KCNA6: variants seen among roughly 807,000 people sequenced by gnomAD.
The protein encoded by KCNA6 is human brain potassium channel-2.
Under a neutral mutation model 29.5 loss-of-function variants are expected in KCNA6, and 17 were observed. The ratio of observed to expected loss-of-function variants is 0.58; its 90% CI spans 0.39 to 0.86. The LOEUF (loss-of-function observed/expected upper bound fraction) is 0.86. KCNA6 is among the 40% of genes least tolerant of loss of function. The pLI is 0.00. For missense variants in KCNA6, 450 were observed against 703.4 expected (o/e 0.64, Z 4.07); for synonymous variants, 296 against 304.7 (o/e 0.97, Z 0.30).
At chr12:4,849,521 C>CTTTTTTT in the KCNA6 span, among the ~76,000 whole-genome samples, 1 of 102,568 alleles carries the variant, frequency 9.7e-6, no homozygotes, top group African/African-American at 4.2e-5. Flanking sequence ...TTTTTTACCA[C>CTTTTTTT]TTTGCAAGAG....
downstream of KCNA6, chr12:4,814,153 T>C (rs930333448): frequency 6.0e-6 from 1 of 167,146 alleles, no homozygotes; most frequent in Non-Finnish European, 1.5e-5. The surrounding 1 kb of genome is among the most constrained non-coding windows in gnomAD (Gnocchi z 4.6). Flanking sequence ...CTTTTCTTCC[T>C]AGTTTCCCCA....
the KCNA6 span, among the ~76,000 whole-genome samples, chr12:4,830,964 C>T: frequency 5.3e-5 from 8 of 152,228 alleles, no homozygotes; most frequent in Non-Finnish European, 8.8e-5. Context: ...TCTCTCAGGC[C>T]CTGCCCACCA....
chr12:4,832,992 C>A, the KCNA6 span, among the ~76,000 whole-genome samples: 1 of 152,114 alleles, frequency 6.6e-6, no homozygotes, highest in South Asian at 2.1e-4. Flanking sequence ...TTCTTGAAGG[C>A]AGGGCCCTGT....
the KCNA6 span, among the ~76,000 whole-genome samples, chr12:4,824,286 C>T: frequency 6.6e-6 from 1 of 152,326 alleles, no homozygotes; most frequent in South Asian, 2.1e-4. Flanking sequence ...ACGTTAGATA[C>T]AGTTAAAACC....
In KCNA6 at chr12:4,810,158, T is replaced by G. The variant is rs1268930645; in HGVS notation, c.117T>G (p.Ser39Arg). 4 of 1,609,582 alleles carry G rather than the reference T, an allele frequency of 2.5e-6. No homozygotes were observed. The highest frequency in any genetic ancestry group is 8.5e-7 in the Non-Finnish European group (1 of 1,178,402). ...CCGGCGGGGGCGGGGGCTGCTGTAG[T>G]AGCGAGCGGCTGGTGATCAATATCT... Residue 39 changes from serine to arginine, a missense_variant, in exon 1 of 1, where the codon AGT becomes AGG. By Grantham distance (110) the Ser-to-Arg change is moderately radical. This residue lies in a region of KCNA6 where 72 missense variants were observed against 64.2 expected (regional missense o/e 1.12). Coordinates refer to ENST00000280684, the Ensembl canonical transcript of KCNA6. The surrounding 1 kb of genome is among the most constrained non-coding windows in gnomAD (Gnocchi z 7.5).
the KCNA6 span, among the ~76,000 whole-genome samples, chr12:4,820,546 A>AACACACACACACACAC: frequency 6.0e-3 from 810 of 134,736 alleles, 8 homozygotes; most frequent in African/African-American, 8.1e-3. Context: ...GGATTACCTA[A>AACACACACACACACAC]ACACACACAC....
At chr12:4,820,356 T>C in the KCNA6 span, among the ~76,000 whole-genome samples, 1 of 150,370 alleles carries the variant, frequency 6.7e-6, no homozygotes, top group East Asian at 1.9e-4. Flanking sequence ...CCCTGGAGCA[T>C]TGCAGAGGGT....
rs773779871 is a variant in KCNA6 at position 4,810,005 on chromosome 12, G to A, written c.-37G>A. 14 of 1,502,454 alleles carry A rather than the reference G, an allele frequency of 9.3e-6. No homozygotes were observed. In the East Asian group the frequency reaches 3.0e-4, roughly 32 times the overall value. 93.1% of individuals were successfully genotyped at this position (1,502,454 alleles called of 1,614,324 possible). On this transcript the variant is annotated 5_prime_UTR_variant, in exon 1 of 1. Coordinates refer to ENST00000280684, the Ensembl canonical transcript of KCNA6. This position sits in a 1 kb window ranked among gnomAD's most constrained non-coding sequence, Gnocchi z 7.5. Reference sequence around the variant, plus strand: ...GCGCTCCAGAGATTGTGTCGTGGGCGCCGTCCTAGTGGCGGGGAGCGCACC... The same window carrying A: ...GCGCTCCAGAGATTGTGTCGTGGGCACCGTCCTAGTGGCGGGGAGCGCACC...
Position 4,811,317 on chromosome 12 carries a change from G to C in KCNA6, c.1276G>C (p.Gly426Arg). ...GGTTACAATGACCACGGTAGGTTAC[G>C]GGGACATGTACCCCATGACTGTGGG... The change falls in exon 1 of 1, where the codon GGG (glycine) becomes CGG (arginine). Residue 426 changes from glycine to arginine, a missense_variant. Gly to Arg is a moderately radical substitution (Grantham distance 125, BLOSUM62 -2). Transcript: ENST00000280684. The surrounding 1 kb of genome is among the most constrained non-coding windows in gnomAD (Gnocchi z 7.1). The C allele has an allele frequency of 6.2e-7, 1 of 1,614,172 alleles. No individual in the cohort carries two copies. Among genetic ancestry groups the C allele is most frequent in the Non-Finnish European group, 8.5e-7 (1 of 1,180,018 alleles).
chr12:4,824,765 G>C, the KCNA6 span, among the ~76,000 whole-genome samples: 2 of 152,282 alleles, frequency 1.3e-5, no homozygotes, highest in Admixed American at 1.3e-4. Context: ...CGATGCGTAA[G>C]GTCAACACTT....
the KCNA6 span, among the ~76,000 whole-genome samples, chr12:4,840,195 T>TTATCTATCTATC: frequency 8.0e-5 from 12 of 150,242 alleles, no homozygotes; most frequent in South Asian, 4.2e-4. Flanking sequence ...ATGATGATTA[T>TTATCTATCTATC]TATCTATCTA....
At chr12:4,821,251 G>T in the KCNA6 span, among the ~76,000 whole-genome samples, 1 of 152,194 alleles carries the variant, frequency 6.6e-6, no homozygotes, top group African/African-American at 2.4e-5. Context: ...TTTGGCATTG[G>T]TGGAAAGAGA....
Position 4,810,680 on chromosome 12 carries a change from A to C in KCNA6, c.639A>C (p.Arg213=), listed in dbSNP as rs1591589530. 1.2e-6 allele frequency: 2 copies of C among 1,613,952 alleles called. No individual in the cohort carries two copies. The highest frequency in any genetic ancestry group is 1.7e-6 in the Non-Finnish European group (2 of 1,179,994). ...GTGGAAACAATGGTGGTGTGAGTCG[A>C]GTCTCCCCAGTTTCCAGGGGGAGTC... Residue 213 remains arginine (R), a synonymous_variant, in exon 1 of 1, where the codon CGA becomes CGC. Coordinates refer to ENST00000280684, the Ensembl canonical transcript of KCNA6. The surrounding 1 kb of genome is among the most constrained non-coding windows in gnomAD (Gnocchi z 7.5).
the KCNA6 span, among the ~76,000 whole-genome samples, chr12:4,829,960 A>G: frequency 6.6e-5 from 10 of 152,160 alleles, no homozygotes; most frequent in African/African-American, 1.9e-4. Context: ...GCTGTTCCCT[A>G]CTTGGCTCAT....
At chr12:4,850,683 A>T in the KCNA6 span, 1 of 390,674 alleles carries the variant, frequency 2.6e-6, no homozygotes, top group South Asian at 1.9e-5. This position sits in a 1 kb window ranked among gnomAD's most constrained non-coding sequence, Gnocchi z 5.4. Context: ...CCCTCATGCG[A>T]CACAACCTCA....
the KCNA6 span, among the ~76,000 whole-genome samples, chr12:4,827,198 T>TTCCCTCCC: frequency 1.3e-5 from 1 of 76,916 alleles, no homozygotes; most frequent in Non-Finnish European, 3.1e-5. Flanking sequence ...CCTTCCTTCC[T>TTCCCTCCC]TCCTTCCCTC....
the KCNA6 span, among the ~76,000 whole-genome samples, chr12:4,841,651 C>T: frequency 2.0e-5 from 3 of 152,136 alleles, no homozygotes; most frequent in Non-Finnish European, 4.4e-5. Context: ...TGTTAGCTTG[C>T]CGGCATAGAA....
chr12:4,836,967 G>A, the KCNA6 span, among the ~76,000 whole-genome samples: 3 of 152,178 alleles, frequency 2.0e-5, no homozygotes, highest in Non-Finnish European at 2.9e-5. Context: ...CTTTTTGTAT[G>A]TCAATGAGTT....
At chr12:4,842,922 G>A in the KCNA6 span, among the ~76,000 whole-genome samples, 1 of 152,120 alleles carries the variant, frequency 6.6e-6, no homozygotes, top group South Asian at 2.1e-4. Flanking sequence ...TGTGTCCGTG[G>A]CCAGGTGAAA....
Sources: allele counts gnomAD v4.1 joint callset (sites outside exome capture counted in the v4.1 genomes callset), GRCh38; gene constraint gnomAD v4.1.1; regional missense constraint gnomAD v4.1.1; non-coding constraint Gnocchi (gnomAD v3.1); transcripts MANE v1.5; gene names NCBI Gene and HGNC (gene_info 2026-07-23, HGNC 2026-07-21).